Variants in PTGER3 observed in about 807,000 individuals in gnomAD.
The protein encoded by PTGER3 is prostaglandin E receptor 3.
Under a neutral mutation model 34.7 loss-of-function variants are expected in PTGER3, and 22 were observed. The ratio of observed to expected loss-of-function variants is 0.63; its 90% confidence interval spans 0.45 to 0.91. The LOEUF is 0.91. Among genes scored for constraint, PTGER3 ranks in the 40% least tolerant of loss-of-function variants. The pLI, the probability that PTGER3 is intolerant of heterozygous loss-of-function variation, is 0.00. For missense variants in PTGER3, 468 were observed against 519.4 expected, an observed-to-expected ratio of 0.90 and a Z score of 0.96; for synonymous variants, 241 against 230.1, an observed-to-expected ratio of 1.05 and a Z score of -0.43.
chr1:70,954,826 A>G (rs1651148445), intron 2 of PTGER3, among the ~76,000 whole-genome samples: 1 of 143,670 alleles, frequency 7.0e-6, no homozygotes. Flanking sequence ...TAAAAGGAAG[A>G]AAAAACACAT....
In PTGER3 at chr1:70,971,703, A is replaced by C; in HGVS notation, c.*27T>G. On this transcript the variant is annotated 3_prime_UTR_variant, in exon 4 of 4. Coordinates refer to ENST00000306666, the MANE Select transcript of PTGER3 (RefSeq NM_198719.2). ...GCAAATTCAGGGAAGCAGGAATTGC[A>C]ATAAAATGTCCAACTCCGTTCTTTC... is the stretch of plus-strand genomic sequence containing the variant. The C allele has an allele frequency of 6.4e-7, 1 of 1,561,234 alleles. No homozygotes were observed. The highest frequency in any genetic ancestry group is 8.7e-7 in the Non-Finnish European group (1 of 1,153,612).
In PTGER3 at chr1:71,046,913, G is replaced by A; in HGVS notation, c.665C>T (p.Ser222Leu). 1.2e-6 allele frequency: 2 copies of A among 1,611,444 alleles called. No individual in the cohort carries two copies. Among genetic ancestry groups the A allele is most frequent in the South Asian group, 1.1e-5 (1 of 90,550 alleles). ...TGRGGNGTSS[S>L]HNWGNLFFAS... ...GAAGAAAAGGTTGCCCCAGTTATGC[G>A]AAGAGCTAGTCCCGTTGCCCCCTCG... Residue 222 changes from serine (S) to leucine (L), a missense_variant, in exon 1 of 4, where the codon TCG becomes TTG. Around this residue, in one of 5 missense-constraint regions of PTGER3, gnomAD observed 204 missense variants for 230.8 expected, o/e 0.88. Transcript: ENST00000306666.
intron 4 of PTGER3, among the ~76,000 whole-genome samples, chr1:70,895,568 G>C (rs913234630): frequency 3.9e-5 from 6 of 152,164 alleles, no homozygotes; most frequent in African/African-American, 1.2e-4. Flanking sequence ...GACTCCAGAT[G>C]CTGCAAAAAA....
At chr1:70,961,502 G>A (rs1185642705) in intron 2 of PTGER3, among the ~76,000 whole-genome samples, 1 of 152,086 alleles carries the variant, frequency 6.6e-6, no homozygotes, top group Non-Finnish European at 1.5e-5. Flanking sequence ...AACTGGCCCT[G>A]GTATCATGAT....
chr1:71,009,115 C>T (rs546983674), intron 2 of PTGER3: 30 of 984,712 alleles, frequency 3.0e-5, no homozygotes, highest in Non-Finnish European at 3.4e-5. Flanking sequence ...TTATAAAAAG[C>T]GTTGAATAAA....
chr1:71,008,604 A>C (rs1657175888), intron 2 of PTGER3: 1 of 984,794 alleles, frequency 1.0e-6, no homozygotes, highest in Non-Finnish European at 1.2e-6. Flanking sequence ...ATCATAACCT[A>C]TGTCATGAAA....
intron 4 of PTGER3, among the ~76,000 whole-genome samples, chr1:70,885,255 T>C (rs1290503034): frequency 6.6e-6 from 1 of 152,186 alleles, no homozygotes; most frequent in East Asian, 1.9e-4. Context: ...ATAGTAGTTA[T>C]ATTCTAACAT....
At chr1:71,020,930 G>C (rs1187446537) in intron 1 of PTGER3, among the ~76,000 whole-genome samples, 1 of 151,964 alleles carries the variant, frequency 6.6e-6, no homozygotes, top group African/African-American at 2.4e-5. Flanking sequence ...CCAACTAGCA[G>C]AGCAGTTGCA....
intron 4 of PTGER3, among the ~76,000 whole-genome samples, chr1:70,926,729 T>C (rs1205612315): frequency 6.6e-6 from 1 of 151,484 alleles, no homozygotes; most frequent in East Asian, 1.9e-4. Flanking sequence ...TGAATAGGAG[T>C]GGTGAGAGAG....
chr1:70,907,926 C>A (rs370082229), intron 4 of PTGER3, among the ~76,000 whole-genome samples: 2 of 152,094 alleles, frequency 1.3e-5, no homozygotes, highest in Non-Finnish European at 2.9e-5. Flanking sequence ...CTCACTACTG[C>A]GGGCAGAGCT....
At chr1:70,868,518 ACAGATGT>A (rs967098464) in intron 4 of PTGER3, among the ~76,000 whole-genome samples, 1 of 152,116 alleles carries the variant, frequency 6.6e-6, no homozygotes, top group Non-Finnish European at 1.5e-5. Context: ...AGAAATCCAA[ACAGATGT>A]CATTAGGGAA....
intron 2 of PTGER3, among the ~76,000 whole-genome samples, chr1:70,979,465 TC>T (rs1654041875): frequency 2.1e-5 from 3 of 142,326 alleles, no homozygotes; most frequent in African/African-American, 5.3e-5. Context: ...GACAGATTTG[TC>T]ACTTCAGCAA....
intron 4 of PTGER3, among the ~76,000 whole-genome samples, chr1:70,938,092 G>A (rs1649403550): frequency 6.6e-6 from 1 of 152,158 alleles, no homozygotes; most frequent in Non-Finnish European, 1.5e-5. Context: ...AAAGAACAGA[G>A]TGTGTGTTTT....
At chr1:70,929,717 T>G (rs1217378830) in intron 4 of PTGER3, among the ~76,000 whole-genome samples, 2 of 152,200 alleles carry the variant, frequency 1.3e-5, no homozygotes, top group Non-Finnish European at 2.9e-5. Context: ...TAAACAATAG[T>G]TTTAACTTGC....
At chr1:70,925,882 G>A (rs1028834976) in intron 4 of PTGER3, among the ~76,000 whole-genome samples, 12 of 152,112 alleles carry the variant, frequency 7.9e-5, no homozygotes, top group Middle Eastern at 6.8e-3. Flanking sequence ...TAAAATATAT[G>A]TTACATTCTT....
intron 1 of PTGER3, among the ~76,000 whole-genome samples, chr1:71,023,240 T>C (rs1465347337): frequency 6.6e-6 from 1 of 151,944 alleles, no homozygotes; most frequent in Non-Finnish European, 1.5e-5. Context: ...CAGTCTTACT[T>C]GTCTGTAACA....
intron 1 of PTGER3, among the ~76,000 whole-genome samples, chr1:71,017,141 G>C (rs1280433561): frequency 1.3e-5 from 2 of 151,996 alleles, no homozygotes; most frequent in African/African-American, 4.8e-5. Context: ...GGACCCAGAC[G>C]TGAGGAGATA....
At chr1:70,929,168 A>G (rs1039201066) in intron 4 of PTGER3, among the ~76,000 whole-genome samples, 1 of 152,192 alleles carries the variant, frequency 6.6e-6, no homozygotes, top group Non-Finnish European at 1.5e-5. Context: ...ATGAAATAAA[A>G]TAGCTCTAAA....
intron 4 of PTGER3, among the ~76,000 whole-genome samples, chr1:70,932,434 T>C (rs906765495): frequency 6.6e-6 from 1 of 152,106 alleles, no homozygotes; most frequent in African/African-American, 2.4e-5. Context: ...TATTAGTCCA[T>C]TTTCATGCTG....
Sources: allele counts gnomAD v4.1 joint callset (sites outside exome capture counted in the v4.1 genomes callset), GRCh38; gene constraint gnomAD v4.1.1; regional missense constraint gnomAD v4.1.1; transcripts MANE v1.5; gene names NCBI Gene and HGNC (gene_info 2026-07-23, HGNC 2026-07-21).